Variants in PLEKHH2 observed in about 807,000 individuals in gnomAD.
PLEKHH2 encodes the protein pleckstrin homology domain-containing family H member 2.
Under a neutral mutation model 187.9 loss-of-function variants are expected in PLEKHH2, and 129 were observed. The ratio of observed to expected loss-of-function variants is 0.69; its 90% confidence interval spans 0.59 to 0.79. The LOEUF is 0.79. PLEKHH2 is among the 30% of genes least tolerant of loss of function. PLEKHH2 has a pLI of 0.00. For missense variants in PLEKHH2, 2,076 were observed against 1,751.2 expected (o/e 1.19, Z -3.31); for synonymous variants, 686 against 605.6 (o/e 1.13, Z -1.95).
At chr2:43,674,254 AT>A (rs1412366790) in intron 2 of PLEKHH2, among the ~76,000 whole-genome samples, 2 of 152,160 alleles carry the variant, frequency 1.3e-5, no homozygotes, top group Non-Finnish European at 2.9e-5. Context: ...CACTAGCAAA[AT>A]TTTGTGCATT....
intron 15 of PLEKHH2, among the ~76,000 whole-genome samples, chr2:43,715,895 A>T (rs1670187522): frequency 6.6e-6 from 1 of 152,040 alleles, no homozygotes; most frequent in South Asian, 2.1e-4. Context: ...TGTGGCAATT[A>T]TGGGAAATTA....
intron 2 of PLEKHH2, among the ~76,000 whole-genome samples, chr2:43,673,300 T>G (rs889507564): frequency 6.6e-6 from 1 of 152,224 alleles, no homozygotes; most frequent in Non-Finnish European, 1.5e-5. Flanking sequence ...ACTGTAAGGA[T>G]GTACCATTAT....
At chr2:43,709,284 G>A (rs1306527120) in intron 11 of PLEKHH2, among the ~76,000 whole-genome samples, 1 of 152,070 alleles carries the variant, frequency 6.6e-6, no homozygotes, top group Non-Finnish European at 1.5e-5. Context: ...CTACTGAATT[G>A]TGTTTTTTTA....
chr2:43,734,563 C>G (rs1450511672), intron 19 of PLEKHH2, among the ~76,000 whole-genome samples: 1 of 152,120 alleles, frequency 6.6e-6, no homozygotes, highest in Admixed American at 6.5e-5. Flanking sequence ...TCATCTCACC[C>G]CAGTTAAAAT....
In PLEKHH2 at chr2:43,699,804, T is replaced by C; in HGVS notation, c.846T>C (p.Pro282=). 1 of 1,613,770 alleles carries C rather than the reference T, an allele frequency of 6.2e-7. No homozygotes were observed. The change falls in exon 8 of 30, where the codon CCT becomes CCC. Residue 282 remains proline, a synonymous_variant. Transcript: ENST00000282406. ...DGGISQNSGA[P]VSDWSSDEED... is the part of the protein sequence containing the mutation. ...GCATCTCCCAGAATTCTGGGGCTCC[T>C]GTGAGTGACTGGAGCTCTGATGAGG...
intron 15 of PLEKHH2, among the ~76,000 whole-genome samples, chr2:43,716,482 T>C (rs867471419): frequency 6.6e-6 from 1 of 152,276 alleles, no homozygotes; most frequent in Middle Eastern, 3.4e-3. Context: ...CAAGGATAAA[T>C]AGAAGGCTTG....
intron 2 of PLEKHH2, among the ~76,000 whole-genome samples, chr2:43,655,086 G>A (rs1013042315): frequency 2.0e-5 from 3 of 152,076 alleles, no homozygotes; most frequent in East Asian, 3.9e-4. Flanking sequence ...CACACCTGTA[G>A]CCCCAGCTAC....
chr2:43,763,072 C>G (rs566860506), intron 28 of PLEKHH2, among the ~76,000 whole-genome samples: 4 of 152,214 alleles, frequency 2.6e-5, no homozygotes, highest in African/African-American at 9.6e-5. Flanking sequence ...ACTGTTTCCC[C>G]TTATAATTGC....
intron 14 of PLEKHH2, 191 bp from the exon 15 acceptor site, chr2:43,712,034 A>G: frequency 1.6e-6 from 2 of 1,269,488 alleles, no homozygotes; most frequent in Non-Finnish European, 2.0e-6. Context: ...CAAAAATTTA[A>G]TTGCTGTAAT....
intron 17 of PLEKHH2, among the ~76,000 whole-genome samples, chr2:43,727,380 C>A (rs1670806400): frequency 7.8e-6 from 1 of 127,758 alleles, no homozygotes. Flanking sequence ...CCACTGCACT[C>A]CAGCCTGGCG....
chr2:43,733,229 G>T (rs1476819504), intron 19 of PLEKHH2, among the ~76,000 whole-genome samples: 1 of 152,012 alleles, frequency 6.6e-6, no homozygotes, highest in Non-Finnish European at 1.5e-5. Flanking sequence ...CGAGTGTGAT[G>T]GCATGCGCCT....
chr2:43,639,074 T>A (rs1241812950), intron 1 of PLEKHH2, among the ~76,000 whole-genome samples: 1 of 152,230 alleles, frequency 6.6e-6, no homozygotes, highest in Non-Finnish European at 1.5e-5. Context: ...AGGTAAGATA[T>A]ATGTATGATA....
chr2:43,674,343 A>G (rs981469939), intron 2 of PLEKHH2, among the ~76,000 whole-genome samples: 19 of 152,336 alleles, frequency 1.2e-4, no homozygotes, highest in Non-Finnish European at 1.8e-4. Flanking sequence ...AATTTCCCTG[A>G]AAATAGAATA....
intron 16 of PLEKHH2, 87 bp downstream of exon 16, chr2:43,720,836 G>C (rs987606842): frequency 4.1e-5 from 61 of 1,492,642 alleles, no homozygotes; most frequent in Non-Finnish European, 5.0e-5. Context: ...CTCTTACTTT[G>C]TAAAACTTCA....
At chr2:43,737,868 C>T (rs1368086) in intron 19 of PLEKHH2, among the ~76,000 whole-genome samples, 27,661 of 152,096 alleles carry the variant, frequency 0.18, 2,823 homozygotes, top group Admixed American at 0.29. Flanking sequence ...GTGGAGATCA[C>T]GGAGGACCAC....
intron 27 of PLEKHH2, among the ~76,000 whole-genome samples, chr2:43,760,357 ACC>A (rs1672374566): frequency 7.5e-6 from 1 of 133,678 alleles, no homozygotes. Context: ...TTACCCTTTA[ACC>A]TTTTTTTTTT....
chr2:43,680,577 G>A lies in PLEKHH2; in HGVS notation c.186+1652G>A, dbSNP rs534942335. ...TTTAATTTTTATTTTAGAAGGGTAA[G>A]GAGTCTGGCAACAAGGCTTTCCCCG... On this transcript the variant is annotated intron_variant, in intron 3 of 29. Transcript: ENST00000282406. 3 of 179,500 alleles carry A rather than the reference G, an allele frequency of 1.7e-5. No individual in the cohort carries two copies. The South Asian group carries it at 3.6e-4, about 22-fold the overall frequency. The allele number at this position is 179,500 out of a possible 1,614,324, so 11.1% of individuals were successfully genotyped here. A position where few individuals can be genotyped will look rare whatever the true frequency, so the allele number is the denominator to read the frequency against.
At chr2:43,666,553 A>G (rs1667226907) in intron 2 of PLEKHH2, among the ~76,000 whole-genome samples, 1 of 152,094 alleles carries the variant, frequency 6.6e-6, no homozygotes, top group African/African-American at 2.4e-5. Context: ...AGACTGTACC[A>G]TTTTGCATTC....
intron 1 of PLEKHH2, 108 bp from the exon 2 acceptor site, chr2:43,644,563 A>G (rs1231032750): frequency 3.4e-6 from 3 of 876,850 alleles, no homozygotes; most frequent in Admixed American, 3.2e-5. Flanking sequence ...GACAGTGATT[A>G]TAATGTGTAC....
Sources: allele counts gnomAD v4.1 joint callset (sites outside exome capture counted in the v4.1 genomes callset), GRCh38; gene constraint gnomAD v4.1.1; transcripts MANE v1.5; gene names NCBI Gene and HGNC (gene_info 2026-07-23, HGNC 2026-07-21).